The following GRM7 variants were observed in gnomAD, a reference collection of about 807,000 sequenced individuals.
GRM7 encodes glutamate metabotropic receptor 7, also known as metabotropic glutamate receptor 7.
A neutral mutation model predicts 84.5 loss-of-function variants in GRM7; 35 were observed. The ratio of observed to expected loss-of-function variants is 0.41; its 90% CI spans 0.32 to 0.55. The LOEUF is 0.55. GRM7 is among the 20% of genes least tolerant of loss of function. The pLI is 0.19. For missense variants in GRM7, 1,003 were observed against 1,194.6 expected (o/e 0.84, Z 2.36); for synonymous variants, 487 against 455.1 (o/e 1.07, Z -0.89).
chr3:7,261,045 T>C (rs1381148179), intron 2 of GRM7, among the ~76,000 whole-genome samples: 1 of 152,174 alleles, frequency 6.6e-6, no homozygotes. Context: ...TGTGTCCCGG[T>C]CCCTTGGTGG....
chr3:7,249,111 A>G (rs1173729354), intron 2 of GRM7, among the ~76,000 whole-genome samples: 1 of 152,132 alleles, frequency 6.6e-6, no homozygotes, highest in East Asian at 1.9e-4. Context: ...ATTATATGTT[A>G]AATATATATG....
chr3:7,584,100 A>C (rs1695401026), intron 8 of GRM7, among the ~76,000 whole-genome samples: 2 of 152,338 alleles, frequency 1.3e-5, no homozygotes, highest in Non-Finnish European at 1.5e-5. Context: ...ATGACAATGT[A>C]GTAAGAAATT....
intron 8 of GRM7, among the ~76,000 whole-genome samples, chr3:7,600,927 A>G (rs62235188): frequency 4.8e-4 from 73 of 152,208 alleles, no homozygotes; most frequent in Non-Finnish European, 8.4e-4. Context: ...ATAGATAGCA[A>G]TGTCTACCAG....
At chr3:7,114,477 G>C (rs1692963838) in intron 1 of GRM7, among the ~76,000 whole-genome samples, 1 of 152,132 alleles carries the variant, frequency 6.6e-6, no homozygotes, top group Non-Finnish European at 1.5e-5. Context: ...TAAAACAACA[G>C]AATACATTTT....
chr3:7,302,714 G>C (rs991830508), intron 3 of GRM7, among the ~76,000 whole-genome samples: 7 of 151,526 alleles, frequency 4.6e-5, no homozygotes, highest in Non-Finnish European at 7.4e-5. Context: ...GTAGTATCTA[G>C]TTTGATACCT....
intron 2 of GRM7, among the ~76,000 whole-genome samples, chr3:7,177,945 T>C (rs1695209697): frequency 6.6e-6 from 1 of 152,228 alleles, no homozygotes; most frequent in Admixed American, 6.5e-5. Context: ...AATATTTTGT[T>C]CAAAATACCC....
intron 1 of GRM7, among the ~76,000 whole-genome samples, chr3:7,095,113 C>T (rs1050959476): frequency 4.0e-5 from 6 of 151,776 alleles, no homozygotes; most frequent in Admixed American, 6.6e-5. Context: ...TACAGCAATG[C>T]CCAACCTAGT....
chr3:7,483,761 A>G (rs1456251397), intron 7 of GRM7, among the ~76,000 whole-genome samples: 4 of 152,058 alleles, frequency 2.6e-5, no homozygotes, highest in Non-Finnish European at 1.5e-5. Context: ...ATAGATATAG[A>G]TAGATATGAT....
intron 2 of GRM7, among the ~76,000 whole-genome samples, chr3:7,250,087 C>A (rs1559527357): frequency 6.6e-6 from 1 of 152,114 alleles, no homozygotes; most frequent in Non-Finnish European, 1.5e-5. Flanking sequence ...TTATTTTGGC[C>A]AGGTGCTTAT....
intron 1 of GRM7, among the ~76,000 whole-genome samples, chr3:6,920,158 G>A (rs941603881): frequency 7.9e-5 from 12 of 152,086 alleles, no homozygotes; most frequent in Non-Finnish European, 1.2e-4. Context: ...CACCTTAAAT[G>A]CATTTATACT....
chr3:7,679,494 C>G (rs1575623121), intron 8 of GRM7, among the ~76,000 whole-genome samples: 1 of 151,902 alleles, frequency 6.6e-6, no homozygotes, highest in South Asian at 2.1e-4. Flanking sequence ...TTTTATAAGA[C>G]AGAATTAAGC....
chr3:7,117,337 T>TA (rs755517037), intron 1 of GRM7, among the ~76,000 whole-genome samples: 1 of 152,188 alleles, frequency 6.6e-6, no homozygotes, highest in Non-Finnish European at 1.5e-5. Flanking sequence ...GAGCAAATAA[T>TA]ACAGGTCTTG....
At chr3:7,055,768 G>T (rs541822045) in intron 1 of GRM7, among the ~76,000 whole-genome samples, 37 of 151,982 alleles carry the variant, frequency 2.4e-4, no homozygotes, top group African/African-American at 8.7e-4. Context: ...CAATCTGCCT[G>T]CCTTGTCCTC....
chr3:7,467,438 A>G (rs1486494283), intron 7 of GRM7, among the ~76,000 whole-genome samples: 1 of 152,146 alleles, frequency 6.6e-6, no homozygotes, highest in Non-Finnish European at 1.5e-5. Flanking sequence ...TCCCAAGTCC[A>G]GGAAAGTCAA....
intron 2 of GRM7, among the ~76,000 whole-genome samples, chr3:7,230,762 C>T (rs1697168093): frequency 6.6e-6 from 1 of 152,166 alleles, no homozygotes; most frequent in Admixed American, 6.5e-5. Flanking sequence ...TGTGTTAGGA[C>T]ATTTTTGCAA....
chr3:7,034,685 A>G (rs539117542), intron 1 of GRM7, among the ~76,000 whole-genome samples: 1 of 152,282 alleles, frequency 6.6e-6, no homozygotes, highest in African/African-American at 2.4e-5. Context: ...CCAAGAACAG[A>G]TATTTGTGAT....
intron 5 of GRM7, among the ~76,000 whole-genome samples, chr3:7,447,864 G>T (rs912917474): frequency 4.0e-5 from 6 of 150,570 alleles, no homozygotes; most frequent in African/African-American, 1.5e-4. Context: ...TCATCATTTA[G>T]CATTACATAT....
At position 6,928,121 on chromosome 3, in the gene GRM7, G is replaced by A. The variant is rs764125290; in HGVS notation, c.519+66214G>A. ...TTTTTTTTTTTTCTACACTGCTGAG[G>A]TAGGTATTTTAACACATCCCTCATT... On this transcript the variant is annotated intron_variant, in intron 1 of 9. Transcript: ENST00000357716. The surrounding 1 kb of genome is among the most constrained non-coding windows in gnomAD (Gnocchi z 4.5). 6.6e-6 allele frequency among the ~76,000 whole-genome samples: 1 copy of A among 151,244 alleles called. No homozygotes were observed. The highest frequency in any genetic ancestry group is 2.1e-4 in the South Asian group (1 of 4,798).
chr3:7,656,242 C>G (rs1416604504), intron 8 of GRM7, among the ~76,000 whole-genome samples: 1 of 152,078 alleles, frequency 6.6e-6, no homozygotes, highest in Non-Finnish European at 1.5e-5. Flanking sequence ...GTAAGCCCAG[C>G]ATTTGGGAGG....
Sources: allele counts gnomAD v4.1 joint callset (sites outside exome capture counted in the v4.1 genomes callset), GRCh38; gene constraint gnomAD v4.1.1; non-coding constraint Gnocchi (gnomAD v3.1); transcripts MANE v1.5; gene names NCBI Gene and HGNC (gene_info 2026-07-23, HGNC 2026-07-21).